Variants in TCFL5 observed in about 807,000 individuals in gnomAD.
TCFL5 encodes transcription factor-like 5 protein.
Under a neutral mutation model 44.3 loss-of-function variants are expected in TCFL5, and 9 were observed. The ratio of observed to expected loss-of-function variants is 0.20; its 90% confidence interval spans 0.12 to 0.35. The LOEUF (loss-of-function observed/expected upper bound fraction) is 0.35, where lower values mean the gene tolerates loss of function less well. Among genes scored for constraint, TCFL5 ranks in the 10% least tolerant of loss-of-function variants. TCFL5 has a pLI of 1.00. For missense variants in TCFL5, 603 were observed against 613.4 expected (o/e 0.98, Z 0.18); for synonymous variants, 319 against 271.6 (o/e 1.17, Z -1.72).
chr20:62,853,490 C>T (rs1406379580), intron 5 of TCFL5, among the ~76,000 whole-genome samples: 1 of 151,984 alleles, frequency 6.6e-6, no homozygotes, highest in African/African-American at 2.4e-5. Flanking sequence ...GCTGGGACTA[C>T]AGGCATACGC....
In TCFL5 at chr20:62,857,379, C is replaced by G. The variant is rs767030832; in HGVS notation, c.1238+16G>C. On this transcript the variant is annotated intron_variant, in intron 4 of 5. Coordinates refer to ENST00000335351, the MANE Select transcript of TCFL5 (RefSeq NM_006602.4). The stretch of plus-strand genomic sequence containing the variant: ...ATCATATATGAGTCAGCCTGACAAG[C>G]AGTCACACGTATTACCTTCTATCTC... 6 of 1,612,500 alleles carry G rather than the reference C, an allele frequency of 3.7e-6. No homozygotes were observed. The highest frequency in any genetic ancestry group is 1.7e-5 in the Admixed American group (1 of 59,954).
chr20:62,851,293 T>C (rs1429885516), intron 5 of TCFL5, among the ~76,000 whole-genome samples: 1 of 152,190 alleles, frequency 6.6e-6, no homozygotes, highest in Non-Finnish European at 1.5e-5. Flanking sequence ...TCAGATTCAA[T>C]GTAATTACAT....
chr20:62,856,665 C>G (rs1325462478), intron 4 of TCFL5, among the ~76,000 whole-genome samples: 1 of 140,980 alleles, frequency 7.1e-6, no homozygotes, highest in Non-Finnish European at 1.5e-5. Context: ...GAGATCGCGC[C>G]ACTGCACTCC....
chr20:62,853,938 G>A lies in TCFL5; in HGVS notation c.1380+78C>T, dbSNP rs1052454308. The A allele has an allele frequency of 1.1e-5, 16 of 1,495,014 alleles. No homozygotes were observed. In the South Asian group the frequency reaches 1.9e-4, roughly 18 times the overall value. 92.6% of individuals were successfully genotyped at this position (1,495,014 alleles called of 1,614,324 possible). A position where few individuals can be genotyped will look rare whatever the true frequency, so the allele number is the denominator to read the frequency against. On this transcript the variant is annotated intron_variant, in intron 5 of 5. Transcript: ENST00000335351. Reference sequence around the variant, plus strand: ...TTCCAGGAAACAAAGGATAGTTTGAGTTATCCTTAGGAAAAAGGAGGGACA... The same window carrying A: ...TTCCAGGAAACAAAGGATAGTTTGAATTATCCTTAGGAAAAAGGAGGGACA...
chr20:62,851,658 C>G, intron 5 of TCFL5: 1 of 985,198 alleles, frequency 1.0e-6, no homozygotes. Context: ...AAATAAACAA[C>G]TTAAATTATG....
chr20:62,842,528 G>A lies in TCFL5; in HGVS notation c.1381-431C>T, dbSNP rs560476284. ...TATAATCCCAGCACTTTGGGAGGCCGAGGTGGGTGGATCACCTGACGTCAG... is the reference window on the plus strand; with the variant it reads ...TATAATCCCAGCACTTTGGGAGGCCAAGGTGGGTGGATCACCTGACGTCAG... On this transcript the variant is annotated intron_variant, in intron 5 of 5. Coordinates refer to ENST00000335351, the MANE Select transcript of TCFL5 (RefSeq NM_006602.4). This position sits in a 1 kb window ranked among gnomAD's most constrained non-coding sequence, Gnocchi z 4.3. Among the ~76,000 whole-genome samples the A allele has an allele frequency of 1.1e-3, 164 of 152,312 alleles. 1 individual carries two copies. The highest frequency in any genetic ancestry group is 3.7e-3 in the African/African-American group (154 of 41,562).
At chr20:62,849,671 A>AATT (rs2063784090) in intron 5 of TCFL5, among the ~76,000 whole-genome samples, 1 of 152,102 alleles carries the variant, frequency 6.6e-6, no homozygotes, top group South Asian at 2.1e-4. Flanking sequence ...CAAAAATTAA[A>AATT]AAACTAGTCA....
chr20:62,848,339 A>G (rs933733866), intron 5 of TCFL5, among the ~76,000 whole-genome samples: 9 of 152,232 alleles, frequency 5.9e-5, no homozygotes, highest in African/African-American at 1.9e-4. Flanking sequence ...CGCCATCCCG[A>G]CTGGGGAAAA....
intron 5 of TCFL5, among the ~76,000 whole-genome samples, chr20:62,843,981 C>T (rs777503359): frequency 5.3e-5 from 8 of 152,202 alleles, no homozygotes; most frequent in Non-Finnish European, 1.2e-4. Context: ...TTTGTTTACT[C>T]ATTCCTCTGC....
intron 1 of TCFL5, 100 bp downstream of exon 1, chr20:62,860,924 G>A: frequency 1.1e-6 from 1 of 907,376 alleles, no homozygotes; most frequent in Non-Finnish European, 1.3e-6. Flanking sequence ...GGCAGGCTGG[G>A]GGCGTGCACA....
intron 5 of TCFL5, among the ~76,000 whole-genome samples, chr20:62,847,840 T>A (rs887159431): frequency 2.0e-5 from 3 of 152,108 alleles, no homozygotes; most frequent in Non-Finnish European, 4.4e-5. Flanking sequence ...CAAAACTCCA[T>A]CTCTACTAAA....
chr20:62,843,610 T>C (rs965098964), intron 5 of TCFL5, among the ~76,000 whole-genome samples: 1 of 152,168 alleles, frequency 6.6e-6, no homozygotes, highest in African/African-American at 2.4e-5. Context: ...GGTATTAAAA[T>C]ATAGCATAAA....
Position 62,841,024 on chromosome 20 carries a change from T to G in TCFL5, c.*951A>C. ...ACTCCACGAGGTGAAAAATATTCAG[T>G]AACTTGTTTACATAGCATTTGTGTA... On this transcript the variant is annotated 3_prime_UTR_variant, in exon 6 of 6. Transcript: ENST00000335351. 2.4e-6 allele frequency: 1 copy of G among 409,420 alleles called. No homozygotes were observed. Among genetic ancestry groups the G allele is most frequent in the Non-Finnish European group, 4.5e-6 (1 of 222,030 alleles). 25.4% of individuals were successfully genotyped at this position (409,420 alleles called of 1,614,324 possible).
In TCFL5 at chr20:62,855,312, A is replaced by C. The variant is rs1008601894; in HGVS notation, c.1239-1155T>G. 3.3e-5 allele frequency among the ~76,000 whole-genome samples: 5 copies of C among 152,068 alleles called. No homozygotes were observed. In the East Asian group the frequency reaches 5.8e-4, roughly 18 times the overall value. ...AAGTAGCTGGGGCGACAGGTGTGCA[A>C]CACCACCACTACTAGTATTGTTGGT... is the stretch of plus-strand genomic sequence containing the variant. On this transcript the variant is annotated intron_variant, in intron 4 of 5. Transcript: ENST00000335351.
chr20:62,854,057 G>A lies in TCFL5; in HGVS notation c.1339C>T (p.Leu447=), dbSNP rs6090142. 3.1e-6 allele frequency: 5 copies of A among 1,614,156 alleles called. No homozygotes were observed. In the East Asian group the frequency reaches 1.1e-4, roughly 36 times the overall value. ...ATTLQWTTAF[L]KYIQERHGDS... The stretch of plus-strand genomic sequence containing the variant: ...CCATGTCTTTCCTGGATGTATTTCA[G>A]GAATGCTGTGGTCCACTGCAGAGTT... The change falls in exon 5 of 6, where the codon CTG becomes TTG. Residue 447 remains leucine (L), a synonymous_variant. Coordinates refer to ENST00000335351, the MANE Select transcript of TCFL5 (RefSeq NM_006602.4).
intron 5 of TCFL5, chr20:62,852,302 C>G: frequency 1.0e-6 from 1 of 953,240 alleles, no homozygotes; most frequent in Non-Finnish European, 1.2e-6. Flanking sequence ...GCCACTGCAA[C>G]GCTGAGGCCG....
intron 3 of TCFL5, 80 bp from the exon 4 acceptor site, chr20:62,857,718 A>G: frequency 6.6e-7 from 1 of 1,504,624 alleles, no homozygotes; most frequent in Non-Finnish European, 8.9e-7. Context: ...TGGCCTTTTC[A>G]ATCCAAGATA....
chr20:62,859,285 G>GC (rs2063947417), intron 3 of TCFL5, 79 bp downstream of exon 3: 7 of 1,448,280 alleles, frequency 4.8e-6, no homozygotes, highest in Non-Finnish European at 4.7e-6. Context: ...TGTCTCCCCT[G>GC]CCCCCCAAGG....
chr20:62,853,323 C>T (rs2063841389), intron 5 of TCFL5, among the ~76,000 whole-genome samples: 1 of 132,080 alleles, frequency 7.6e-6, no homozygotes, highest in Non-Finnish European at 1.6e-5. Context: ...TGACACTTAT[C>T]TGCATTTTTG....
Sources: gnomAD v4.1 joint callset for allele counts (sites outside exome capture counted in the v4.1 genomes callset) on GRCh38, gnomAD v4.1.1 for gene constraint, Gnocchi (gnomAD v3.1) non-coding constraint, MANE v1.5 for transcripts, NCBI Gene and HGNC (gene_info 2026-07-23, HGNC 2026-07-21) for gene names.